UBE2L5: variants seen among roughly 807,000 people sequenced by gnomAD.
UBE2L5 encodes the protein ubiquitin conjugating enzyme E2 L5.
In UBE2L5, 3 loss-of-function variants were observed where a neutral mutation model predicts 10.0. The observed-to-expected ratio is 0.30, with a 90% CI of 0.14 to 0.78. UBE2L5 has a LOEUF of 0.78. Among genes scored for constraint, UBE2L5 ranks in the 30% least tolerant of loss-of-function variants. The pLI is 0.65. For synonymous variants in UBE2L5, 60 were observed against 71.9 expected, an observed-to-expected ratio of 0.83 and a Z score of 0.83; for missense variants, 131 against 193.3, an observed-to-expected ratio of 0.68 and a Z score of 1.91.
At chr13:30,424,474 G>A (rs1885511197) in intron 1 of UBE2L5, among the ~76,000 whole-genome samples, 1 of 152,112 alleles carries the variant, frequency 6.6e-6, no homozygotes, top group Admixed American at 6.6e-5. Flanking sequence ...CTAGTTTCCT[G>A]GATTCTGCGT....
At position 30,422,621 on chromosome 13, in the gene UBE2L5, C is replaced by A. The variant is rs1165716838; in HGVS notation, c.-835C>A. ...AAATGAGATTAGAACCTGCTGGCTT[C>A]ACTTCCTGGAGGCTTTTTGTTGTGT... On this transcript the variant is annotated 5_prime_UTR_variant, in exon 1 of 4. Transcript: ENST00000635918. The A allele has an allele frequency of 6.6e-6, 1 of 152,380 alleles. No homozygotes were observed. Among genetic ancestry groups the A allele is most frequent in the East Asian group, 1.9e-4 (1 of 5,194 alleles). 9.4% of individuals were successfully genotyped at this position (152,380 alleles called of 1,614,324 possible).
At chr13:30,425,555 A>G (rs1031332626) in intron 2 of UBE2L5, among the ~76,000 whole-genome samples, 7 of 152,058 alleles carry the variant, frequency 4.6e-5, no homozygotes, top group African/African-American at 1.4e-4. Context: ...GCTCCTCCCC[A>G]CCCAGCGCCA....
rs766703249 is a variant in UBE2L5, at chr13:30,427,511, T to A, written c.-480T>A. The A allele has an allele frequency of 2.6e-5, 4 of 156,852 alleles. No individual in the cohort carries two copies. The highest frequency in any genetic ancestry group is 4.2e-5 in the Non-Finnish European group (3 of 71,136). 9.7% of individuals were successfully genotyped at this position (156,852 alleles called of 1,614,324 possible). On this transcript the variant is annotated 5_prime_UTR_variant, in exon 4 of 4. An upstream start codon of the reference 5' UTR is lost. Transcript: ENST00000635918. ...GGTGAATATGCAGGTAGAATTATAA[T>A]GTGTAAAGCCGGGTGCAGTGGCTCA...
In UBE2L5 at chr13:30,427,816, AT is replaced by A; in HGVS notation, c.-173del. 2 of 591,068 alleles carry A rather than the reference AT, an allele frequency of 3.4e-6. No homozygotes were observed. Among genetic ancestry groups the A allele is most frequent in the Admixed American group, 3.2e-5 (1 of 30,948 alleles). The allele number at this position is 591,068 out of a possible 1,614,324, so 36.6% of individuals were successfully genotyped here. A position where few individuals can be genotyped will look rare whatever the true frequency, so the allele number is the denominator to read the frequency against. ...GAGACTCTGGCTAAAAAAAAAAAAA[AT>A]TATAATGTATAGGATTGTGGATGAT... On this transcript the variant is annotated 5_prime_UTR_variant, in exon 4 of 4. It removes the in-frame stop codon of an upstream open reading frame in the 5' UTR. Coordinates refer to ENST00000635918, the MANE Select transcript of UBE2L5 (RefSeq NM_001355247.2).
intron 1 of UBE2L5, among the ~76,000 whole-genome samples, chr13:30,423,122 C>A (rs757089359): frequency 8.1e-6 from 1 of 123,828 alleles, no homozygotes; most frequent in Admixed American, 9.1e-5. Flanking sequence ...AATCACATAT[C>A]TAGTTTTTGT....
intron 2 of UBE2L5, among the ~76,000 whole-genome samples, chr13:30,425,742 G>A (rs1358828566): frequency 2.6e-5 from 4 of 151,918 alleles, no homozygotes; most frequent in Non-Finnish European, 5.9e-5. Flanking sequence ...ATATTTATAG[G>A]CCGGGCGTGG....
At chr13:30,423,689 C>T (rs978427597) in intron 1 of UBE2L5, among the ~76,000 whole-genome samples, 3 of 152,210 alleles carry the variant, frequency 2.0e-5, no homozygotes, top group Admixed American at 2.0e-4. Context: ...ATGAGGCATC[C>T]TTACGGTGGG....
At position 30,427,989 on chromosome 13, in the gene UBE2L5, A is replaced by G; in HGVS notation, c.-2A>G. On this transcript the variant is annotated 5_prime_UTR_variant, in exon 4 of 4. Coordinates refer to ENST00000635918, the MANE Select transcript of UBE2L5 (RefSeq NM_001355247.2). ...TGGGAAAGAAGCAGCACCAAATCCA[A>G]GATGGCGGCCAGCAGGAGGCTGATG... 1.3e-6 allele frequency: 2 copies of G among 1,547,136 alleles called. No homozygotes were observed. Among genetic ancestry groups the G allele is most frequent in the Non-Finnish European group, 1.8e-6 (2 of 1,119,402 alleles).
intron 1 of UBE2L5, among the ~76,000 whole-genome samples, chr13:30,423,801 T>C (rs1048454671): frequency 4.0e-4 from 61 of 152,358 alleles, no homozygotes; most frequent in African/African-American, 1.5e-3. Flanking sequence ...GCAATGCATG[T>C]TTTCCTAAAT....
intron 1 of UBE2L5, among the ~76,000 whole-genome samples, chr13:30,423,614 GA>G (rs1278553764): frequency 6.6e-6 from 1 of 152,104 alleles, no homozygotes; most frequent in Non-Finnish European, 1.5e-5. Context: ...AAAATAAACT[GA>G]AAGGCCGGGG....
chr13:30,425,761 G>C (rs768091389), intron 2 of UBE2L5, among the ~76,000 whole-genome samples: 2 of 152,228 alleles, frequency 1.3e-5, no homozygotes, highest in Admixed American at 1.3e-4. Flanking sequence ...GGTGTTTCAC[G>C]CCTGTAATCC....
rs558781589 is a variant in UBE2L5 at position 30,429,210 on chromosome 13, T to C, written c.*755T>C. ...TGAGGCAGGATAATCGTTTGGACCC[T>C]GGAGGCAGAGGCTGCAGTGAGCCCA... On this transcript the variant is annotated 3_prime_UTR_variant, in exon 4 of 4. Coordinates refer to ENST00000635918, the MANE Select transcript of UBE2L5 (RefSeq NM_001355247.2). Among the ~76,000 whole-genome samples, 10 of 152,124 alleles carry C rather than the reference T, an allele frequency of 6.6e-5. 1 individual carries two copies. Among genetic ancestry groups the C allele is most frequent in the African/African-American group, 2.4e-4 (10 of 41,502 alleles).
At position 30,423,149 on chromosome 13, in the gene UBE2L5, C is replaced by G. The variant is rs78051877; in HGVS notation, c.-779+472C>G. ...AGTTTTTGTGCATGTGTGTCAGAGACAGACAGACATGGATAACTTCTGCTC... is the reference window on the plus strand; with the variant it reads ...AGTTTTTGTGCATGTGTGTCAGAGAGAGACAGACATGGATAACTTCTGCTC... On this transcript the variant is annotated intron_variant, in intron 1 of 3. Transcript: ENST00000635918. Among the ~76,000 whole-genome samples, 9 of 69,110 alleles carry G rather than the reference C, an allele frequency of 1.3e-4. No homozygotes were observed. In the South Asian group the frequency reaches 1.6e-3, roughly 12 times the overall value. The allele number at this position is 69,110 out of a possible 152,430, so 45.3% of individuals were successfully genotyped here.
In UBE2L5 at chr13:30,422,707, A is replaced by G. The variant is rs559036237; in HGVS notation, c.-779+30A>G. 2.6e-5 allele frequency: 4 copies of G among 152,244 alleles called. No homozygotes were observed. The East Asian group carries it at 7.7e-4, about 29-fold the overall frequency. 9.4% of individuals were successfully genotyped at this position (152,244 alleles called of 1,614,324 possible). A position where few individuals can be genotyped will look rare whatever the true frequency, so the allele number is the denominator to read the frequency against. On this transcript the variant is annotated intron_variant, in intron 1 of 3. Coordinates refer to ENST00000635918, the MANE Select transcript of UBE2L5 (RefSeq NM_001355247.2). ...GTGCCTTTTTAATCCATTCACAAGGATGCTTGTGAGTCTCTGCTGCGTTTA... is the reference window on the plus strand; with the variant it reads ...GTGCCTTTTTAATCCATTCACAAGGGTGCTTGTGAGTCTCTGCTGCGTTTA...
chr13:30,425,309 ATGCAC>A (rs2137358263), intron 2 of UBE2L5, among the ~76,000 whole-genome samples: 1 of 152,298 alleles, frequency 6.6e-6, no homozygotes, highest in South Asian at 2.1e-4. Flanking sequence ...GCTCCATTGG[ATGCAC>A]TGCCTGGGTC....
At position 30,429,530 on chromosome 13, in the gene UBE2L5, A is replaced by G. The variant is rs1331709277; in HGVS notation, c.*1075A>G. ...GGCTCTCATCCTTAATGACATTTTCATATTCTCCATCCCCCATCCCCCACC... is the reference window on the plus strand; with the variant it reads ...GGCTCTCATCCTTAATGACATTTTCGTATTCTCCATCCCCCATCCCCCACC... On this transcript the variant is annotated 3_prime_UTR_variant, in exon 4 of 4. Transcript: ENST00000635918. Among the ~76,000 whole-genome samples, 1 of 152,092 alleles carries G rather than the reference A, an allele frequency of 6.6e-6. No individual in the cohort carries two copies. The highest frequency in any genetic ancestry group is 1.5e-5 in the Non-Finnish European group (1 of 68,028).
In UBE2L5 at chr13:30,428,365, A is replaced by G. The variant is rs1177133506; in HGVS notation, c.375A>G (p.Leu125=). 9 of 1,611,762 alleles carry G rather than the reference A, an allele frequency of 5.6e-6. No individual in the cohort carries two copies. The highest frequency in any genetic ancestry group is 1.1e-5 in the South Asian group (1 of 90,984). The change falls in exon 4 of 4, where the codon CTA becomes CTG. Residue 125 remains leucine (L), a synonymous_variant. Transcript: ENST00000635918. Reference sequence around the variant, plus strand: ...CCGAGCACCCGCTTCGGGCTGACCTAGCTGAAGAATACTCTAACGACCGTA... The same window carrying G: ...CCGAGCACCCGCTTCGGGCTGACCTGGCTGAAGAATACTCTAACGACCGTA... The part of the protein sequence containing the change: ...PQPEHPLRAD[L]AEEYSNDRKK...
Position 30,427,665 on chromosome 13 carries a change from A to C in UBE2L5, c.-326A>C, listed in dbSNP as rs780865732. 16 of 334,514 alleles carry C rather than the reference A, an allele frequency of 4.8e-5. No homozygotes were observed. Among genetic ancestry groups the C allele is most frequent in the Non-Finnish European group, 3.8e-5 (7 of 185,142 alleles). 20.7% of individuals were successfully genotyped at this position (334,514 alleles called of 1,614,324 possible). ...AAATACAAAAAAAAGTTAGCTGTGC[A>C]TGGTGGCACGTGCCTGTAATCACAG... On this transcript the variant is annotated 5_prime_UTR_variant, in exon 4 of 4. An upstream start codon of the reference 5' UTR is lost. Transcript: ENST00000635918.
At chr13:30,424,610 TCCTCAAACACAGATAGTTATAA>T (rs1231234144) in intron 1 of UBE2L5, among the ~76,000 whole-genome samples, 176 bp from the exon 2 acceptor site, 1 of 152,220 alleles carries the variant, frequency 6.6e-6, no homozygotes, top group African/African-American at 2.4e-5. Flanking sequence ...TGAGCTTGTT[TCCTCAAACACAGATAGTTATAA>T]CCAAACTACC....
Sources: allele counts gnomAD v4.1 joint callset (sites outside exome capture counted in the v4.1 genomes callset), GRCh38; gene constraint gnomAD v4.1.1; transcripts MANE v1.5; gene names NCBI Gene and HGNC (gene_info 2026-07-23, HGNC 2026-07-21).